Variants in KSR2 observed in about 807,000 individuals in gnomAD.
KSR2 encodes kinase suppressor of ras 2.
Under a neutral mutation model 107.8 loss-of-function variants are expected in KSR2, and 25 were observed. The ratio of observed to expected loss-of-function variants is 0.23; its 90% CI spans 0.17 to 0.32. The LOEUF is 0.32. Among genes scored for constraint, KSR2 ranks in the 10% least tolerant of loss-of-function variants. KSR2 has a pLI of 1.00. For missense variants in KSR2, 887 were observed against 1,268.9 expected, an observed-to-expected ratio of 0.70 and a Z score of 4.57; for synonymous variants, 480 against 507.0, an observed-to-expected ratio of 0.95 and a Z score of 0.71.
intron 1 of KSR2, among the ~76,000 whole-genome samples, chr12:117,882,381 T>C (rs1326678693): frequency 6.6e-6 from 1 of 152,160 alleles, no homozygotes; most frequent in Non-Finnish European, 1.5e-5. Context: ...CACACTGGCT[T>C]CCACCTGAGC....
At position 117,460,978 on chromosome 12, in the gene KSR2, T is replaced by C. The variant is rs1275584288; in HGVS notation, c.*6221A>G. 6.6e-6 allele frequency: 1 copy of C among 152,252 alleles called. No individual in the cohort carries two copies. The highest frequency in any genetic ancestry group is 2.4e-5 in the African/African-American group (1 of 41,448). 9.4% of individuals were successfully genotyped at this position (152,252 alleles called of 1,614,324 possible). On this transcript the variant is annotated 3_prime_UTR_variant, in exon 20 of 20. Transcript: ENST00000339824. ...TGGGTCGCTTCATACGTCACAGATA[T>C]TAAACCTGGCAAACTGGCTCAGCAC...
intron 3 of KSR2, among the ~76,000 whole-genome samples, chr12:117,816,027 GT>G (rs1891357297): frequency 6.7e-6 from 1 of 149,732 alleles, no homozygotes; most frequent in Admixed American, 6.7e-5. Flanking sequence ...GTGTGTGTGT[GT>G]GTGTGTGTGT....
chr12:117,705,635 T>C (rs1339016217), intron 4 of KSR2, among the ~76,000 whole-genome samples: 2 of 152,204 alleles, frequency 1.3e-5, no homozygotes, highest in African/African-American at 2.4e-5. Flanking sequence ...TCTGCTTCAT[T>C]ACTGTCAGTC....
In KSR2 at chr12:117,791,964, C is replaced by A. The variant is rs78085332; in HGVS notation, c.473-30440G>T. ...GCACTATGCCCACAATGAGTGCCCA[C>A]TGCATAAATACATGGAGCTTCTAGA... On this transcript the variant is annotated intron_variant, in intron 3 of 19. Transcript: ENST00000339824. Among the ~76,000 whole-genome samples, 355 of 152,300 alleles carry A rather than the reference C, an allele frequency of 2.3e-3. 1 individual carries two copies. The highest frequency in any genetic ancestry group is 8.3e-3 in the African/African-American group (345 of 41,570).
chr12:117,705,684 A>G (rs1303296172), intron 4 of KSR2, among the ~76,000 whole-genome samples: 1 of 152,188 alleles, frequency 6.6e-6, no homozygotes, highest in East Asian at 1.9e-4. Flanking sequence ...TCTGGGCCCT[A>G]ATTGGTTCCT....
chr12:117,856,199 A>G (rs563595498), intron 2 of KSR2, among the ~76,000 whole-genome samples: 2 of 152,334 alleles, frequency 1.3e-5, no homozygotes, highest in East Asian at 3.9e-4. Context: ...CAAAGCAGAA[A>G]CACTGGAGTA....
chr12:117,756,930 C>T (rs1474662919), intron 4 of KSR2, among the ~76,000 whole-genome samples: 1 of 151,952 alleles, frequency 6.6e-6, no homozygotes, highest in African/African-American at 2.4e-5. Context: ...TGGTGGGCAC[C>T]TGTAATCCCA....
chr12:117,883,042 T>C (rs1455894177), intron 1 of KSR2, among the ~76,000 whole-genome samples: 1 of 151,974 alleles, frequency 6.6e-6, no homozygotes, highest in Non-Finnish European at 1.5e-5. Context: ...CATCCATCCA[T>C]CTCTCCCTCC....
intron 1 of KSR2, among the ~76,000 whole-genome samples, chr12:117,940,541 A>C (rs1056425499): frequency 2.0e-5 from 3 of 152,202 alleles, no homozygotes; most frequent in African/African-American, 7.2e-5. Flanking sequence ...CCAGGGATTG[A>C]ATTCAGTGGT....
chr12:117,731,785 T>A (rs554428353), intron 4 of KSR2, among the ~76,000 whole-genome samples: 6 of 151,622 alleles, frequency 4.0e-5, no homozygotes, highest in African/African-American at 1.5e-4. Context: ...CAGGGTTAAA[T>A]GGATTAAGGG....
intron 7 of KSR2, among the ~76,000 whole-genome samples, chr12:117,574,331 T>C (rs1376895982): frequency 6.6e-6 from 1 of 152,176 alleles, no homozygotes; most frequent in Admixed American, 6.5e-5. Context: ...CAAACTTTAA[T>C]GTGCAAAAGA....
chr12:117,701,876 C>T (rs1180013803), intron 4 of KSR2, among the ~76,000 whole-genome samples: 1 of 152,152 alleles, frequency 6.6e-6, no homozygotes, highest in Non-Finnish European at 1.5e-5. Context: ...GGAGCATGGA[C>T]CTGCTAACAC....
At chr12:117,812,266 T>C (rs1047241379) in intron 3 of KSR2, among the ~76,000 whole-genome samples, 1 of 152,170 alleles carries the variant, frequency 6.6e-6, no homozygotes, top group East Asian at 1.9e-4. Flanking sequence ...ATAAAAGAAC[T>C]TAAAATGTCT....
chr12:117,715,292 A>G (rs369056729), intron 4 of KSR2, among the ~76,000 whole-genome samples: 1 of 152,230 alleles, frequency 6.6e-6, no homozygotes, highest in Non-Finnish European at 1.5e-5. Flanking sequence ...AGCAGGGTCT[A>G]TGTGCTATGG....
intron 4 of KSR2, among the ~76,000 whole-genome samples, chr12:117,678,944 T>G (rs374028151): frequency 6.6e-6 from 1 of 152,168 alleles, no homozygotes; most frequent in South Asian, 2.1e-4. Context: ...TGCTGAGGGG[T>G]CTGCAAGGGG....
intron 14 of KSR2, among the ~76,000 whole-genome samples, chr12:117,494,616 C>T (rs926611936): frequency 2.0e-5 from 3 of 152,166 alleles, no homozygotes; most frequent in African/African-American, 7.2e-5. Context: ...GTTCTAGGTG[C>T]AGGAGATACT....
rs146311341 is a variant in KSR2 at position 117,717,723 on chromosome 12, G to A, written c.986+43288C>T. Among the ~76,000 whole-genome samples, 94 of 151,544 alleles carry A rather than the reference G, an allele frequency of 6.2e-4. 1 individual carries two copies. In the Middle Eastern group the frequency reaches 0.01, roughly 16 times the overall value. On this transcript the variant is annotated intron_variant, in intron 4 of 19. Transcript: ENST00000339824. ...TGTGTGTGTGTGTGTGCATGCGCGC[G>A]CGTGCATGCACGTGTGCCTGTCCTA...
At chr12:117,672,995 G>A (rs1270393003) in intron 4 of KSR2, among the ~76,000 whole-genome samples, 1 of 152,114 alleles carries the variant, frequency 6.6e-6, no homozygotes, top group Non-Finnish European at 1.5e-5. Flanking sequence ...AAACCCTCTG[G>A]TGATAGATAA....
At chr12:117,541,384 C>G (rs192920816) in intron 9 of KSR2, among the ~76,000 whole-genome samples, 1 of 152,310 alleles carries the variant, frequency 6.6e-6, no homozygotes, top group South Asian at 2.1e-4. Flanking sequence ...CAGGCATGTT[C>G]TCCTGGAAAG....
Sources: gnomAD v4.1 joint callset for allele counts (sites outside exome capture counted in the v4.1 genomes callset) on GRCh38, gnomAD v4.1.1 for gene constraint, MANE v1.5 for transcripts, NCBI Gene and HGNC (gene_info 2026-07-23, HGNC 2026-07-21) for gene names.